The following DACH2 variants were observed in gnomAD, a reference collection of about 807,000 sequenced individuals.
The protein encoded by DACH2 is dachshund homolog 2.
A neutral mutation model predicts 35.8 loss-of-function variants in DACH2; 17 were observed. The observed-to-expected ratio is 0.48, with a 90% CI of 0.33 to 0.71. The LOEUF is 0.71. Ranked by LOEUF, DACH2 falls within the 30% of genes least tolerant of loss-of-function variation. The probability of loss-of-function intolerance (pLI) is 0.02; values close to 1 mark genes in which losing one functional copy is unlikely to be tolerated. For missense variants in DACH2, 469 were observed against 472.7 expected (o/e 0.99, Z 0.07); for synonymous variants, 195 against 177.3 (o/e 1.10, Z -0.79).
chrX:86,482,347 C>A (rs1024961104), intron 2 of DACH2, among the ~76,000 whole-genome samples: 1 of 111,806 alleles, frequency 8.9e-6, no homozygotes, highest in Non-Finnish European at 1.9e-5. Flanking sequence ...AATAAATTCT[C>A]CAGTTTCCAT....
At chrX:86,174,291 T>C (rs1171092829) in intron 1 of DACH2, among the ~76,000 whole-genome samples, 1 of 109,213 alleles carries the variant, frequency 9.2e-6, no homozygotes, top group East Asian at 2.9e-4. Context: ...GCCAGGTAAT[T>C]TAAATAATTT....
chrX:86,299,916 G>T (rs2034541925), intron 1 of DACH2, among the ~76,000 whole-genome samples: 3 of 110,678 alleles, frequency 2.7e-5, no homozygotes, highest in Admixed American at 1.9e-4. Context: ...ATTTTTTATT[G>T]GTACATGATA....
chrX:86,643,993 C>A (rs773572839), intron 3 of DACH2, among the ~76,000 whole-genome samples: 1 of 111,362 alleles, frequency 9.0e-6, no homozygotes, highest in African/African-American at 3.3e-5. Flanking sequence ...CTATGACAAA[C>A]CCACAGTAAA....
At chrX:86,766,387 A>G (rs2041935675) in intron 7 of DACH2, among the ~76,000 whole-genome samples, 1 of 112,050 alleles carries the variant, frequency 8.9e-6, no homozygotes, top group Admixed American at 9.5e-5. Flanking sequence ...CATTTGCTGA[A>G]TTCGATGATG....
At chrX:86,222,710 A>C (rs936782917) in intron 1 of DACH2, among the ~76,000 whole-genome samples, 1 of 110,908 alleles carries the variant, frequency 9.0e-6, no homozygotes, top group Non-Finnish European at 1.9e-5. Flanking sequence ...GCTAAAAGGA[A>C]ACTTAATGAA....
At chrX:86,648,935 G>A (rs1041292923) in intron 3 of DACH2, among the ~76,000 whole-genome samples, 4 of 110,304 alleles carry the variant, frequency 3.6e-5, no homozygotes, top group East Asian at 5.7e-4. Flanking sequence ...TAAGGAGATC[G>A]TATCCTTTAG....
chrX:86,590,157 G>T (rs931830451), intron 3 of DACH2, among the ~76,000 whole-genome samples: 1 of 111,788 alleles, frequency 8.9e-6, no homozygotes, highest in African/African-American at 3.3e-5. Flanking sequence ...CTTGGAAGAG[G>T]CTCAGTGACA....
intron 1 of DACH2, among the ~76,000 whole-genome samples, chrX:86,368,756 G>A (rs1391131697): frequency 2.7e-5 from 3 of 109,705 alleles, no homozygotes; most frequent in African/African-American, 6.6e-5. Flanking sequence ...CAGAGAAGGG[G>A]TTGCGCTAGT....
intron 2 of DACH2, among the ~76,000 whole-genome samples, chrX:86,399,710 C>T (rs886136801): frequency 8.9e-6 from 1 of 111,760 alleles, no homozygotes; most frequent in African/African-American, 3.3e-5. Flanking sequence ...ATATTGGCCC[C>T]CACTCTCTTC....
At chrX:86,629,900 G>C (rs765815535) in intron 3 of DACH2, among the ~76,000 whole-genome samples, 1 of 110,618 alleles carries the variant, frequency 9.0e-6, no homozygotes, top group Non-Finnish European at 1.9e-5. Flanking sequence ...AATGATAAAT[G>C]ATAAAAATAA....
At chrX:86,592,754 A>G (rs1658643848) in intron 3 of DACH2, among the ~76,000 whole-genome samples, 1 of 111,769 alleles carries the variant, frequency 8.9e-6, no homozygotes, top group Admixed American at 9.6e-5. Context: ...TGTTAGATTT[A>G]TATCTAGTTA....
At chrX:86,755,805 G>A (rs2041822677) in intron 7 of DACH2, among the ~76,000 whole-genome samples, 3 of 109,001 alleles carry the variant, frequency 2.8e-5, no homozygotes, top group African/African-American at 6.7e-5. Context: ...CACCATGTTA[G>A]CCAGGATGGT....
chrX:86,296,586 T>G (rs1437037473), intron 1 of DACH2, among the ~76,000 whole-genome samples: 1 of 111,010 alleles, frequency 9.0e-6, no homozygotes, highest in Non-Finnish European at 1.9e-5. Flanking sequence ...GATAATCTTA[T>G]TTTTTCATTA....
At chrX:86,790,883 A>G (rs2042180771) in intron 7 of DACH2, among the ~76,000 whole-genome samples, 2 of 111,551 alleles carry the variant, frequency 1.8e-5, no homozygotes, top group African/African-American at 6.5e-5. Context: ...AAAACTACTG[A>G]TAGCCTGCTG....
chrX:86,419,537 C>G lies in DACH2; in HGVS notation c.527+42675C>G, dbSNP rs761034682. 4.5e-5 allele frequency among the ~76,000 whole-genome samples: 5 copies of G among 111,599 alleles called. No homozygotes were observed. In the East Asian group the frequency reaches 1.4e-3, roughly 32 times the overall value. On this transcript the variant is annotated intron_variant, in intron 2 of 11. Transcript: ENST00000373125. ...TATCATAAGAACAGTGCAGTAAAGA[C>G]CCACCCTCATAATTCAGTCACCTCC...
chrX:86,571,621 G>A (rs1412281768), intron 3 of DACH2, among the ~76,000 whole-genome samples: 1 of 111,166 alleles, frequency 9.0e-6, no homozygotes, highest in Non-Finnish European at 1.9e-5. Context: ...ATGGACACAG[G>A]AAAGGTTTTT....
intron 1 of DACH2, among the ~76,000 whole-genome samples, chrX:86,223,541 A>G (rs1400925163): frequency 8.9e-6 from 1 of 111,863 alleles, no homozygotes; most frequent in Non-Finnish European, 1.9e-5. Flanking sequence ...GTAAGTAAAT[A>G]TATAGCATTT....
intron 2 of DACH2, among the ~76,000 whole-genome samples, chrX:86,389,154 TAC>T (rs993248484): frequency 1.8e-5 from 2 of 112,010 alleles, no homozygotes; most frequent in African/African-American, 6.5e-5. Flanking sequence ...AATTATTCAC[TAC>T]AGTTTTCCAC....
chrX:86,384,657 G>A (rs1238986451), intron 2 of DACH2, among the ~76,000 whole-genome samples: 6 of 111,752 alleles, frequency 5.4e-5, no homozygotes, highest in African/African-American at 1.9e-4. Flanking sequence ...TTAAACTAAT[G>A]TTAATGTTCA....
Sources: gnomAD v4.1 joint callset for allele counts (sites outside exome capture counted in the v4.1 genomes callset) on GRCh38, gnomAD v4.1.1 for gene constraint, MANE v1.5 for transcripts, NCBI Gene and HGNC (gene_info 2026-07-23, HGNC 2026-07-21) for gene names.